The following SDK2 variants were observed in gnomAD, a reference collection of about 807,000 sequenced individuals.
SDK2 encodes sidekick cell adhesion molecule 2, also known as protein sidekick-2.
Under a neutral mutation model 253.9 loss-of-function variants are expected in SDK2, and 105 were observed. The ratio of observed to expected loss-of-function variants is 0.41; its 90% CI spans 0.35 to 0.49. The LOEUF (loss-of-function observed/expected upper bound fraction) is 0.49, where lower values mean the gene tolerates loss of function less well. SDK2 is among the 20% of genes least tolerant of loss of function. SDK2 has a pLI of 0.06. For synonymous variants in SDK2, 1,249 were observed against 1,234.9 expected, an observed-to-expected ratio of 1.01 and a Z score of -0.24; for missense variants, 2,608 against 3,003.0, an observed-to-expected ratio of 0.87 and a Z score of 3.07.
At chr17:73,521,343 A>C (rs2064077758) in intron 1 of SDK2, 1 of 152,012 alleles carries the variant, frequency 6.6e-6, no homozygotes, top group Non-Finnish European at 1.5e-5. Context: ...AAAATGGCTA[A>C]TTTTATGTCA....
In SDK2 at chr17:73,447,133, C is replaced by T. The variant is rs2063458315; in HGVS notation, c.613+482G>A. On this transcript the variant is annotated intron_variant, in intron 5 of 44. Coordinates refer to ENST00000392650, the MANE Select transcript of SDK2 (RefSeq NM_001144952.2). The surrounding 1 kb of genome is among the most constrained non-coding windows in gnomAD (Gnocchi z 4.0). The stretch of plus-strand genomic sequence containing the variant: ...GTGCCTGGGCAGAGGGCCTGTCTTC[C>T]CATCAGCAGGGACCACCTGGCTCCC... Among the ~76,000 whole-genome samples the T allele has an allele frequency of 1.3e-5, 2 of 152,118 alleles. No homozygotes were observed. Among genetic ancestry groups the T allele is most frequent in the South Asian group, 2.1e-4 (1 of 4,824 alleles).
chr17:73,485,257 G>C (rs1470043596), intron 2 of SDK2, among the ~76,000 whole-genome samples: 2 of 152,204 alleles, frequency 1.3e-5, no homozygotes, highest in African/African-American at 4.8e-5. Flanking sequence ...GCTCAGGTAA[G>C]TGCAGGTGCT....
At chr17:73,557,170 A>G (rs2045155985) in intron 1 of SDK2, among the ~76,000 whole-genome samples, 1 of 152,250 alleles carries the variant, frequency 6.6e-6, no homozygotes, top group Non-Finnish European at 1.5e-5. Context: ...TCCTCATAAG[A>G]AGTAAGTTTC....
chr17:73,455,979 G>C lies in SDK2; in HGVS notation c.406C>G (p.Arg136Gly), dbSNP rs750328692. 2 of 1,548,454 alleles carry C rather than the reference G, an allele frequency of 1.3e-6. No individual in the cohort carries two copies. The highest frequency in any genetic ancestry group is 1.2e-5 in the South Asian group (1 of 83,842). The change falls in exon 4 of 45, where the codon CGC (arginine) becomes GGC (glycine). Residue 136 changes from arginine to glycine, a missense_variant. Physicochemically the swap from Arg to Gly is moderately radical, Grantham distance 125. This residue lies in a region of SDK2 where 1,505 missense variants were observed against 1,859.1 expected (regional missense o/e 0.81). Transcript: ENST00000392650. This position sits in a 1 kb window ranked among gnomAD's most constrained non-coding sequence, Gnocchi z 5.0. ...TGTGGCTGGGGGAAGCTGGCGATGC[G>C]CGGGGCACGGATGACAGCTGCTTCT... ...HGEAAVIRAP[R>G]IASFPQPQVT...
chr17:73,534,909 C>T lies in SDK2; in HGVS notation c.65-27312G>A, dbSNP rs1482529380. Reference sequence around the variant, plus strand: ...ATACTCTGCGATCGGCCGATCAGCCCGCTACTGGGTCTAAGGAACCCAGGA... The same window carrying T: ...ATACTCTGCGATCGGCCGATCAGCCTGCTACTGGGTCTAAGGAACCCAGGA... On this transcript the variant is annotated intron_variant, in intron 1 of 44. Transcript: ENST00000392650. The surrounding 1 kb of genome is among the most constrained non-coding windows in gnomAD (Gnocchi z 4.9). 1.3e-5 allele frequency among the ~76,000 whole-genome samples: 2 copies of T among 152,128 alleles called. No individual in the cohort carries two copies. The highest frequency in any genetic ancestry group is 4.8e-5 in the African/African-American group (2 of 41,426).
At chr17:73,529,234 G>A (rs1409059031) in intron 1 of SDK2, among the ~76,000 whole-genome samples, 2 of 152,142 alleles carry the variant, frequency 1.3e-5, no homozygotes, top group African/African-American at 2.4e-5. Flanking sequence ...AGTCAGTACC[G>A]AGGTTGGGGA....
At position 73,414,696 on chromosome 17, in the gene SDK2, G is replaced by C; in HGVS notation, c.2432C>G (p.Thr811Ser). The change falls in exon 18 of 45, where the codon ACC becomes AGC. Residue 811 changes from threonine (T) to serine (S), a missense_variant. This residue lies in a region of SDK2 where 1,505 missense variants were observed against 1,859.1 expected (regional missense o/e 0.81). Coordinates refer to ENST00000392650, the MANE Select transcript of SDK2 (RefSeq NM_001144952.2). ...EATNSTTIRF[T>S]WNAPSPQFIN... ...GAACTGGGGGCTGGGGGCGTTCCAGGTGAAGCGGATGGTCGTGGAATTGGT... is the reference window on the plus strand; with the variant it reads ...GAACTGGGGGCTGGGGGCGTTCCAGCTGAAGCGGATGGTCGTGGAATTGGT... 6.2e-7 allele frequency: 1 copy of C among 1,613,982 alleles called. No homozygotes were observed. The highest frequency in any genetic ancestry group is 8.5e-7 in the Non-Finnish European group (1 of 1,179,896).
chr17:73,610,172 A>C (rs1224357525), intron 1 of SDK2, among the ~76,000 whole-genome samples: 1 of 152,186 alleles, frequency 6.6e-6, no homozygotes, highest in Non-Finnish European at 1.5e-5. Context: ...CCCCAGTCAG[A>C]GGGGCTGAAG....
At chr17:73,598,940 GT>G (rs1194684203) in intron 1 of SDK2, among the ~76,000 whole-genome samples, 1 of 152,268 alleles carries the variant, frequency 6.6e-6, no homozygotes, top group Non-Finnish European at 1.5e-5. Context: ...TTTTCTTCAA[GT>G]AGTGGAACCC....
chr17:73,509,316 A>G (rs551810290), intron 1 of SDK2, among the ~76,000 whole-genome samples: 1 of 152,264 alleles, frequency 6.6e-6, no homozygotes, highest in Admixed American at 6.5e-5. Context: ...CCCAGAGTAC[A>G]TGTTCTGCCA....
At chr17:73,512,325 G>C (rs1230635263) in intron 1 of SDK2, among the ~76,000 whole-genome samples, 1 of 152,140 alleles carries the variant, frequency 6.6e-6, no homozygotes, top group East Asian at 1.9e-4. Flanking sequence ...GATCAGCCCA[G>C]AGAGAAGAGC....
At chr17:73,544,056 C>A (rs1481097134) in intron 1 of SDK2, among the ~76,000 whole-genome samples, 3 of 152,216 alleles carry the variant, frequency 2.0e-5, no homozygotes, top group Admixed American at 2.0e-4. Flanking sequence ...GTTTGGGACA[C>A]AGGAGATAGT....
chr17:73,535,685 AAG>A (rs1304413209), intron 1 of SDK2, among the ~76,000 whole-genome samples: 2 of 152,128 alleles, frequency 1.3e-5, no homozygotes, highest in Admixed American at 1.3e-4. Flanking sequence ...ACGGATTGGG[AAG>A]AGAGGCACAC....
chr17:73,545,331 C>T (rs114183436), intron 1 of SDK2, among the ~76,000 whole-genome samples: 4 of 152,192 alleles, frequency 2.6e-5, no homozygotes, highest in East Asian at 1.9e-4. Flanking sequence ...GTATGTGGTT[C>T]GGGTCCCATG....
chr17:73,443,202 G>A lies in SDK2; in HGVS notation c.614-2279C>T, dbSNP rs561950685. 6.1e-4 allele frequency among the ~76,000 whole-genome samples: 93 copies of A among 152,148 alleles called. No homozygotes were observed. Among genetic ancestry groups the A allele is most frequent in the Non-Finnish European group, 9.1e-4 (62 of 68,032 alleles). On this transcript the variant is annotated intron_variant, in intron 5 of 44. Coordinates refer to ENST00000392650, the MANE Select transcript of SDK2 (RefSeq NM_001144952.2). This position sits in a 1 kb window ranked among gnomAD's most constrained non-coding sequence, Gnocchi z 4.6. ...GGGCCACCTTGTCAGCCCTGGGCAG[G>A]TTTTCCTTCCTTGACTCCAGGCCTT... is the stretch of plus-strand genomic sequence containing the variant.
chr17:73,494,980 A>G (rs1237349894), intron 2 of SDK2, among the ~76,000 whole-genome samples: 2 of 152,206 alleles, frequency 1.3e-5, no homozygotes, highest in East Asian at 3.8e-4. Context: ...GCGGGAGTGA[A>G]TCATTCTCTC....
At chr17:73,576,715 C>T (rs2045463162) in intron 1 of SDK2, among the ~76,000 whole-genome samples, 1 of 152,150 alleles carries the variant, frequency 6.6e-6, no homozygotes, top group Admixed American at 6.5e-5. Flanking sequence ...CAGGGGGTTG[C>T]CAGTACCTAT....
At chr17:73,494,314 C>T (rs1171555894) in intron 2 of SDK2, among the ~76,000 whole-genome samples, 1 of 152,176 alleles carries the variant, frequency 6.6e-6, no homozygotes, top group Non-Finnish European at 1.5e-5. Context: ...TAAGACAGGG[C>T]TTGGCCTGGA....
At chr17:73,536,438 G>A (rs111814925) in intron 1 of SDK2, among the ~76,000 whole-genome samples, 5 of 151,858 alleles carry the variant, frequency 3.3e-5, no homozygotes, top group African/African-American at 9.7e-5. Flanking sequence ...CGAGGCTTCC[G>A]CTGACCCCTG....
Sources: gnomAD v4.1 joint callset for allele counts (sites outside exome capture counted in the v4.1 genomes callset) on GRCh38, gnomAD v4.1.1 for gene constraint, gnomAD v4.1.1 regional missense constraint, Gnocchi (gnomAD v3.1) non-coding constraint, MANE v1.5 for transcripts, NCBI Gene and HGNC (gene_info 2026-07-23, HGNC 2026-07-21) for gene names.